Variants in PRORP observed in about 807,000 individuals in gnomAD.
PRORP encodes mitochondrial ribonuclease P catalytic subunit.
A neutral mutation model predicts 59.4 loss-of-function variants in PRORP; 51 were observed. The ratio of observed to expected loss-of-function variants is 0.86; its 90% CI spans 0.69 to 1.08. The LOEUF (loss-of-function observed/expected upper bound fraction) is 1.08, where lower values mean the gene tolerates loss of function less well. Ranked by LOEUF, PRORP falls within the 50% of genes least tolerant of loss-of-function variation. The probability of loss-of-function intolerance (pLI) is 0.00; values close to 1 mark genes in which losing one functional copy is unlikely to be tolerated. For missense variants in PRORP, 646 were observed against 690.3 expected, an observed-to-expected ratio of 0.94 and a Z score of 0.72; for synonymous variants, 231 against 245.6, an observed-to-expected ratio of 0.94 and a Z score of 0.55.
chr14:35,208,649 C>T (rs1406030980), intron 5 of PRORP, among the ~76,000 whole-genome samples: 1 of 151,798 alleles, frequency 6.6e-6, no homozygotes, highest in Admixed American at 6.6e-5. Flanking sequence ...GCAGGCAGCT[C>T]ATTTGAGGTC....
intron 5 of PRORP, among the ~76,000 whole-genome samples, chr14:35,193,814 T>A (rs1221967848): frequency 1.3e-4 from 20 of 152,170 alleles, no homozygotes; most frequent in Admixed American, 1.3e-3. Flanking sequence ...TTTTAAATAC[T>A]CTTTTCCATA....
chr14:35,243,086 C>A (rs1210713410), intron 5 of PRORP, among the ~76,000 whole-genome samples: 3 of 152,130 alleles, frequency 2.0e-5, no homozygotes, highest in African/African-American at 7.2e-5. Flanking sequence ...CTTCAAGTAC[C>A]TTCAGTGTAT....
chr14:35,227,246 A>T (rs1030613980), intron 5 of PRORP, among the ~76,000 whole-genome samples: 2 of 151,668 alleles, frequency 1.3e-5, no homozygotes, highest in Admixed American at 1.3e-4. Flanking sequence ...GATGAAGACC[A>T]TCCTGGCCAA....
chr14:35,124,120 T>TAA lies in PRORP; in HGVS notation c.877_878dup (p.Asp294ArgfsTer10). ...GCTTTCTTTGATTTTGGAAAAGACA[T>TAA]AAAGGATGATAACTATTCAAATAAA... is the stretch of plus-strand genomic sequence containing the variant. On this transcript the variant is annotated frameshift_variant, in exon 2 of 8. Coordinates refer to ENST00000534898, the MANE Select transcript of PRORP (RefSeq NM_014672.4). LOFTEE classifies it high-confidence loss of function. 1 of 1,613,068 alleles carries TAA rather than the reference T, an allele frequency of 6.2e-7. No individual in the cohort carries two copies. Among genetic ancestry groups the TAA allele is most frequent in the Non-Finnish European group, 8.5e-7 (1 of 1,179,304 alleles).
intron 5 of PRORP, among the ~76,000 whole-genome samples, chr14:35,190,925 TG>T (rs1445522323): frequency 6.6e-6 from 1 of 152,256 alleles, no homozygotes; most frequent in African/African-American, 2.4e-5. Context: ...TTTCTTGGAT[TG>T]GATTTCTTTT....
chr14:35,155,729 C>G (rs1234693634), intron 4 of PRORP, among the ~76,000 whole-genome samples: 2 of 151,600 alleles, frequency 1.3e-5, no homozygotes, highest in Non-Finnish European at 2.9e-5. Flanking sequence ...ATTATATATT[C>G]ATTATAATAT....
intron 4 of PRORP, among the ~76,000 whole-genome samples, chr14:35,132,712 G>A (rs2047276913): frequency 1.3e-5 from 2 of 150,814 alleles, no homozygotes; most frequent in African/African-American, 2.4e-5. Flanking sequence ...ATTTGAACCC[G>A]TGAAGCGGAG....
At chr14:35,151,252 T>G (rs571054614) in intron 4 of PRORP, among the ~76,000 whole-genome samples, 98 of 152,230 alleles carry the variant, frequency 6.4e-4, no homozygotes, top group African/African-American at 2.3e-3. Flanking sequence ...TGTATCGATT[T>G]TATTGCTTTT....
intron 4 of PRORP, among the ~76,000 whole-genome samples, chr14:35,170,898 G>A (rs1401397498): frequency 1.3e-5 from 2 of 151,290 alleles, no homozygotes; most frequent in Admixed American, 1.3e-4. Flanking sequence ...TGCCCAGGCT[G>A]GAGTGTAATG....
chr14:35,274,453 G>A lies in PRORP; in HGVS notation c.*887G>A, dbSNP rs2051270766. 6.6e-6 allele frequency: 1 copy of A among 151,972 alleles called. No homozygotes were observed. The highest frequency in any genetic ancestry group is 2.1e-4 in the South Asian group (1 of 4,826). The allele number at this position is 151,972 out of a possible 1,614,324, so 9.4% of individuals were successfully genotyped here. On this transcript the variant is annotated 3_prime_UTR_variant, in exon 8 of 8. Coordinates refer to ENST00000534898, the MANE Select transcript of PRORP (RefSeq NM_014672.4). Reference sequence around the variant, plus strand: ...ACTTGAGTCTAGGAGTTCAAGACCAGCCTAGGCAACATAGTAAGATCTCAT... The same window carrying A: ...ACTTGAGTCTAGGAGTTCAAGACCAACCTAGGCAACATAGTAAGATCTCAT...
chr14:35,188,849 G>T (rs2139074109), intron 5 of PRORP, among the ~76,000 whole-genome samples: 1 of 150,904 alleles, frequency 6.6e-6, no homozygotes, highest in South Asian at 2.1e-4. Flanking sequence ...GGTGGTGGGT[G>T]CCTGTAGTAC....
chr14:35,232,803 G>T (rs2050114868), intron 5 of PRORP, among the ~76,000 whole-genome samples: 1 of 152,114 alleles, frequency 6.6e-6, no homozygotes, highest in Non-Finnish European at 1.5e-5. Flanking sequence ...CTCCTGAGTA[G>T]CTGGGACTAC....
At chr14:35,242,092 A>G (rs2050383693) in intron 5 of PRORP, among the ~76,000 whole-genome samples, 1 of 152,192 alleles carries the variant, frequency 6.6e-6, no homozygotes, top group African/African-American at 2.4e-5. Context: ...TTTGTATTGC[A>G]TTAGAATAAT....
intron 4 of PRORP, among the ~76,000 whole-genome samples, chr14:35,146,653 A>G (rs1163835012): frequency 6.6e-6 from 1 of 152,190 alleles, no homozygotes; most frequent in Non-Finnish European, 1.5e-5. Flanking sequence ...AAAGAAATTT[A>G]ATTATCTGCA....
At chr14:35,148,482 AG>A (rs2047664550) in intron 4 of PRORP, among the ~76,000 whole-genome samples, 1 of 152,194 alleles carries the variant, frequency 6.6e-6, no homozygotes, top group African/African-American at 2.4e-5. Context: ...TGCTGTAGAC[AG>A]ATGTGCTGTT....
At chr14:35,210,222 C>G (rs1028142479) in intron 5 of PRORP, among the ~76,000 whole-genome samples, 1 of 152,138 alleles carries the variant, frequency 6.6e-6, no homozygotes, top group African/African-American at 2.4e-5. Flanking sequence ...GGACCTTTGG[C>G]TGAGTTACTG....
In PRORP at chr14:35,131,354, T is replaced by C. The variant is rs553026626; in HGVS notation, c.1167+3743T>C. 2.6e-5 allele frequency among the ~76,000 whole-genome samples: 4 copies of C among 152,356 alleles called. No homozygotes were observed. The East Asian group carries it at 7.7e-4, about 29-fold the overall frequency. On this transcript the variant is annotated intron_variant, in intron 4 of 7. Coordinates refer to ENST00000534898, the MANE Select transcript of PRORP (RefSeq NM_014672.4). ...TGGGAAAGTCTTTATTTCTCCTTCA[T>C]GTCTGAAGGATATTTTCACTGCATA...
intron 5 of PRORP, among the ~76,000 whole-genome samples, chr14:35,244,922 G>GAGGAAGGGGCAAGGAAGGGGCA (rs75096844): frequency 6.6e-6 from 1 of 151,558 alleles, no homozygotes; most frequent in Non-Finnish European, 1.5e-5. Context: ...CTAGCTGTGT[G>GAGGAAGGGGCAAGGAAGGGGCA]AGGAAGGGGC....
intron 5 of PRORP, among the ~76,000 whole-genome samples, chr14:35,203,956 C>T (rs2049226266): frequency 6.6e-6 from 1 of 152,210 alleles, no homozygotes; most frequent in Non-Finnish European, 1.5e-5. Flanking sequence ...AAAGCAAGAA[C>T]ATCCTAAGGT....
Sources: gnomAD v4.1 joint callset for allele counts (sites outside exome capture counted in the v4.1 genomes callset) on GRCh38, gnomAD v4.1.1 for gene constraint, MANE v1.5 for transcripts, NCBI Gene and HGNC (gene_info 2026-07-23, HGNC 2026-07-21) for gene names.